Variants in SLX4IP observed in about 807,000 individuals in gnomAD.
SLX4IP encodes SLX4 interacting protein.
In SLX4IP, 34 loss-of-function variants were observed where a neutral mutation model predicts 32.9. That is an observed-to-expected ratio of 1.03 (90% CI 0.79 to 1.38). The LOEUF is 1.38. Ranked by LOEUF, SLX4IP falls within the 40% of genes most tolerant of loss-of-function variation. The pLI is 0.00. For synonymous variants in SLX4IP, 172 were observed against 171.7 expected, an observed-to-expected ratio of 1.00 and a Z score of -0.01; for missense variants, 444 against 479.0, an observed-to-expected ratio of 0.93 and a Z score of 0.68.
chr20:10,523,070 G>GT (rs2065912786), intron 2 of SLX4IP, among the ~76,000 whole-genome samples: 1 of 152,122 alleles, frequency 6.6e-6, no homozygotes, highest in African/African-American at 2.4e-5. Context: ...GCATGCATAT[G>GT]TGAATCCTAA....
intron 6 of SLX4IP, among the ~76,000 whole-genome samples, chr20:10,616,642 G>C (rs2067035984): frequency 6.6e-6 from 1 of 151,868 alleles, no homozygotes; most frequent in South Asian, 2.1e-4. Flanking sequence ...CAGACCCTTG[G>C]TGTTCACTCT....
chr20:10,612,921 T>TA (rs1354912362), intron 6 of SLX4IP: 1 of 155,090 alleles, frequency 6.4e-6, no homozygotes, highest in Non-Finnish European at 1.4e-5. Flanking sequence ...ATGCTTGAAG[T>TA]AATTTAACAC....
intron 6 of SLX4IP, chr20:10,614,026 C>T: frequency 7.1e-7 from 1 of 1,410,594 alleles, no homozygotes; most frequent in Non-Finnish European, 1.0e-6. Context: ...ATGGAATAGA[C>T]TTTTTCCAGG....
intron 2 of SLX4IP, among the ~76,000 whole-genome samples, chr20:10,541,803 G>A (rs2066110329): frequency 6.6e-6 from 1 of 152,180 alleles, no homozygotes; most frequent in Non-Finnish European, 1.5e-5. Context: ...ACATCTCTGG[G>A]AGGGCAGGGA....
chr20:10,467,690 C>T (rs2065392009), intron 2 of SLX4IP, among the ~76,000 whole-genome samples: 1 of 152,138 alleles, frequency 6.6e-6, no homozygotes, highest in Non-Finnish European at 1.5e-5. Context: ...TAAGTATGTG[C>T]TGATTTCGTG....
chr20:10,507,099 G>A (rs1430199530), intron 2 of SLX4IP, among the ~76,000 whole-genome samples: 1 of 152,192 alleles, frequency 6.6e-6, no homozygotes, highest in African/African-American at 2.4e-5. Flanking sequence ...CAGGTGGCTG[G>A]GGAAGGCCTG....
chr20:10,440,601 A>T (rs571151566), intron 1 of SLX4IP, among the ~76,000 whole-genome samples: 2 of 152,336 alleles, frequency 1.3e-5, no homozygotes, highest in East Asian at 3.9e-4. Context: ...CACATGGAAC[A>T]GTTCCATCAG....
At chr20:10,473,026 A>G (rs2065439174) in intron 2 of SLX4IP, among the ~76,000 whole-genome samples, 1 of 152,234 alleles carries the variant, frequency 6.6e-6, no homozygotes, top group Admixed American at 6.5e-5. Context: ...CATTGTTGCT[A>G]TTAAGAAAGC....
intron 2 of SLX4IP, among the ~76,000 whole-genome samples, chr20:10,459,157 C>A (rs929808575): frequency 6.6e-6 from 1 of 152,114 alleles, no homozygotes; most frequent in Admixed American, 6.6e-5. Context: ...CACGAATGTC[C>A]TTTTTTCAGA....
chr20:10,598,345 C>G (rs559475747), intron 4 of SLX4IP, among the ~76,000 whole-genome samples: 1 of 152,180 alleles, frequency 6.6e-6, no homozygotes, highest in East Asian at 1.9e-4. Context: ...CTCACTACAA[C>G]CTCCACTTCC....
chr20:10,623,250 C>T lies in SLX4IP; in HGVS notation c.1098C>T (p.Ser366=), dbSNP rs760058733. ...KEELHVLESL[S]SRHLMKNNPG... is the part of the protein sequence containing the mutation. Reference sequence around the variant, plus strand: ...AGTTGCATGTTTTGGAAAGTCTCTCCTCCAGACATCTTATGAAAAATAACC... The same window carrying T: ...AGTTGCATGTTTTGGAAAGTCTCTCTTCCAGACATCTTATGAAAAATAACC... Residue 366 remains serine (S), a synonymous_variant, in exon 8 of 8, where the codon TCC becomes TCT. Transcript: ENST00000334534. 1.7e-5 allele frequency: 27 copies of T among 1,614,044 alleles called. No homozygotes were observed. In the African/African-American group the frequency reaches 3.5e-4, roughly 21 times the overall value.
intron 1 of SLX4IP, among the ~76,000 whole-genome samples, chr20:10,454,085 A>G (rs1463849999): frequency 6.6e-6 from 1 of 152,070 alleles, no homozygotes. Context: ...TTCTCCCTCC[A>G]TACTTTGTTT....
intron 6 of SLX4IP, among the ~76,000 whole-genome samples, chr20:10,607,719 A>C (rs894202376): frequency 6.6e-6 from 1 of 152,150 alleles, no homozygotes; most frequent in Admixed American, 6.5e-5. Flanking sequence ...AGTGAGGATG[A>C]AGATGTCCTC....
chr20:10,569,624 C>T (rs1020941759), intron 4 of SLX4IP, among the ~76,000 whole-genome samples: 15 of 152,172 alleles, frequency 9.9e-5, no homozygotes, highest in African/African-American at 7.2e-5. Context: ...TGAGGCCTCT[C>T]TCCTTTGCTT....
chr20:10,534,674 A>G (rs2066022734), intron 2 of SLX4IP, among the ~76,000 whole-genome samples: 1 of 152,132 alleles, frequency 6.6e-6, no homozygotes, highest in Non-Finnish European at 1.5e-5. Context: ...GGTATGCTCA[A>G]TAAATTAAAA....
intron 1 of SLX4IP, among the ~76,000 whole-genome samples, chr20:10,453,833 C>T (rs1400369175): frequency 6.6e-6 from 1 of 151,940 alleles, no homozygotes; most frequent in Non-Finnish European, 1.5e-5. Flanking sequence ...TGTGTTTGAC[C>T]TCCTATATTG....
At chr20:10,610,528 C>A (rs1004750084) in intron 6 of SLX4IP, among the ~76,000 whole-genome samples, 3 of 152,210 alleles carry the variant, frequency 2.0e-5, no homozygotes, top group African/African-American at 7.2e-5. Context: ...GATGGCTTGG[C>A]CATCCAGAGC....
At chr20:10,531,280 T>TA (rs1270090822) in intron 2 of SLX4IP, among the ~76,000 whole-genome samples, 1 of 152,238 alleles carries the variant, frequency 6.6e-6, no homozygotes, top group Non-Finnish European at 1.5e-5. Context: ...GATGGACAGA[T>TA]ACAGTTTCAT....
At chr20:10,508,424 A>G (rs1432836718) in intron 2 of SLX4IP, among the ~76,000 whole-genome samples, 1 of 152,236 alleles carries the variant, frequency 6.6e-6, no homozygotes, top group Non-Finnish European at 1.5e-5. Context: ...CCTTCCAGAT[A>G]ACTGAGGCTT....
Sources: gnomAD v4.1 joint callset for allele counts (sites outside exome capture counted in the v4.1 genomes callset) on GRCh38, gnomAD v4.1.1 for gene constraint, MANE v1.5 for transcripts, NCBI Gene and HGNC (gene_info 2026-07-23, HGNC 2026-07-21) for gene names.